Variants in CACNA2D1 observed in about 807,000 individuals in gnomAD.
CACNA2D1 encodes the protein calcium voltage-gated channel auxiliary subunit alpha2delta 1, also known as voltage-dependent calcium channel subunit alpha-2/delta-1.
Under a neutral mutation model 171.5 loss-of-function variants are expected in CACNA2D1, and 53 were observed. The ratio of observed to expected loss-of-function variants is 0.31; its 90% CI spans 0.25 to 0.39. The LOEUF is 0.39. CACNA2D1 is among the 10% of genes least tolerant of loss of function. The probability of loss-of-function intolerance (pLI) is 1.00; values close to 1 mark genes in which losing one functional copy is unlikely to be tolerated. For synonymous variants in CACNA2D1, 442 were observed against 443.1 expected (o/e 1.00, Z 0.03); for missense variants, 903 against 1,299.8 (o/e 0.69, Z 4.69).
At chr7:82,203,403 G>A (rs1263419281) in intron 3 of CACNA2D1, among the ~76,000 whole-genome samples, 3 of 152,124 alleles carry the variant, frequency 2.0e-5, no homozygotes, top group Admixed American at 1.3e-4. Flanking sequence ...TTCACGGGAG[G>A]GCGACAATGA....
chr7:82,179,082 A>T (rs769091847), intron 3 of CACNA2D1, among the ~76,000 whole-genome samples: 27 of 152,108 alleles, frequency 1.8e-4, no homozygotes, highest in Non-Finnish European at 3.4e-4. Flanking sequence ...AGCATACATC[A>T]CCACCTAATT....
intron 6 of CACNA2D1, among the ~76,000 whole-genome samples, chr7:82,098,487 G>T (rs898442074): frequency 1.3e-5 from 2 of 151,996 alleles, no homozygotes; most frequent in African/African-American, 4.8e-5. Context: ...GGGATAGAAC[G>T]CCTGCATATC....
intron 10 of CACNA2D1, among the ~76,000 whole-genome samples, chr7:82,053,626 A>C (rs1805476815): frequency 1.3e-5 from 2 of 152,290 alleles, no homozygotes. Context: ...CAGGAGCTGA[A>C]ACCAGTAATA....
intron 18 of CACNA2D1, among the ~76,000 whole-genome samples, 183 bp from the exon 19 acceptor site, chr7:81,997,433 T>G (rs1798159295): frequency 1.3e-5 from 2 of 151,082 alleles, no homozygotes. Flanking sequence ...AAGCTAGAGA[T>G]TGAGCTTTAA....
At chr7:82,108,864 C>T (rs756757470) in intron 6 of CACNA2D1, among the ~76,000 whole-genome samples, 13 of 152,146 alleles carry the variant, frequency 8.5e-5, no homozygotes, top group Non-Finnish European at 1.5e-4. Context: ...CTAACTCAGG[C>T]TTGTCCTCAA....
intron 3 of CACNA2D1, among the ~76,000 whole-genome samples, chr7:82,316,877 GC>G (rs555880738): frequency 6.6e-6 from 1 of 152,042 alleles, no homozygotes; most frequent in East Asian, 1.9e-4. Context: ...TGGGGAAACT[GC>G]CCCCATGATT....
At chr7:82,086,831 TAACTC>T (rs1033183340) in intron 6 of CACNA2D1, among the ~76,000 whole-genome samples, 4 of 152,144 alleles carry the variant, frequency 2.6e-5, no homozygotes, top group South Asian at 2.1e-4. Flanking sequence ...TTTTGTTTGA[TAACTC>T]AACAGCTACT....
chr7:82,303,587 G>C (rs1367364762), intron 3 of CACNA2D1, among the ~76,000 whole-genome samples: 4 of 151,786 alleles, frequency 2.6e-5, no homozygotes, highest in Admixed American at 2.6e-4. Flanking sequence ...TATAAAAATA[G>C]ACACATAGAC....
intron 7 of CACNA2D1, among the ~76,000 whole-genome samples, chr7:82,073,221 T>G (rs941733360): frequency 6.6e-6 from 1 of 152,208 alleles, no homozygotes; most frequent in Non-Finnish European, 1.5e-5. Flanking sequence ...AGTAACTCTA[T>G]GTTCCTTAAC....
intron 5 of CACNA2D1, among the ~76,000 whole-genome samples, chr7:82,132,498 T>G (rs1223172299): frequency 6.6e-6 from 1 of 152,194 alleles, no homozygotes; most frequent in Non-Finnish European, 1.5e-5. Flanking sequence ...AAGTGATGTA[T>G]GCAAACTCTG....
chr7:82,184,734 C>T (rs1198074541), intron 3 of CACNA2D1, among the ~76,000 whole-genome samples: 2 of 152,062 alleles, frequency 1.3e-5, no homozygotes, highest in East Asian at 1.9e-4. Context: ...ATACAGTATA[C>T]ATCATGTTAT....
chr7:82,217,634 T>TCACACACACACA (rs71522607), intron 3 of CACNA2D1, among the ~76,000 whole-genome samples: 94 of 140,236 alleles, frequency 6.7e-4, no homozygotes, highest in African/African-American at 2.4e-3. Flanking sequence ...TGGCACAGTT[T>TCACACACACACA]CACACACACA....
intron 1 of CACNA2D1, among the ~76,000 whole-genome samples, chr7:82,427,019 G>C (rs1829255545): frequency 6.6e-6 from 1 of 152,134 alleles, no homozygotes; most frequent in African/African-American, 2.4e-5. Context: ...CATAGGTAAT[G>C]TATACATAGG....
At chr7:81,969,115 C>T in intron 28 of CACNA2D1, 142 bp from the exon 29 acceptor site, 1 of 621,428 alleles carries the variant, frequency 1.6e-6, no homozygotes, top group South Asian at 1.8e-5. Context: ...TGCTCTCCTT[C>T]CTCTCTTCTT....
chr7:82,303,141 C>T, intron 3 of CACNA2D1, among the ~76,000 whole-genome samples: 1 of 152,044 alleles, frequency 6.6e-6, no homozygotes, highest in East Asian at 1.9e-4. Flanking sequence ...CTACAGGCGC[C>T]CGCCACCATG....
rs1318812887 is a variant in CACNA2D1, at chr7:82,138,431, GTTTTTTTTGTTTTTTTTGTT to G, written c.355-1775_355-1756del. ...AAACATTTCTTATAGCATTAGTTTT[GTTTTTTTTGTTTTTTTTGTT>G]TTTTTTTTTTTTTGAGACAGAGTGT... On this transcript the variant is annotated intron_variant, in intron 4 of 38. Transcript: ENST00000356860. Among the ~76,000 whole-genome samples the G allele has an allele frequency of 4.5e-3, 337 of 74,114 alleles. 2 individuals are homozygous for G. The highest frequency in any genetic ancestry group is 0.034 in the South Asian group (97 of 2,864). 48.6% of individuals were successfully genotyped at this position (74,114 alleles called of 152,430 possible).
intron 3 of CACNA2D1, among the ~76,000 whole-genome samples, chr7:82,313,877 A>C (rs564098278): frequency 8.5e-5 from 13 of 152,320 alleles, no homozygotes; most frequent in African/African-American, 3.1e-4. Flanking sequence ...TACATTGAAC[A>C]TGTATATTTT....
At chr7:82,007,618 T>C (rs1799264414) in intron 16 of CACNA2D1, 61 bp downstream of exon 16, 1 of 886,280 alleles carries the variant, frequency 1.1e-6, no homozygotes, top group Admixed American at 1.9e-5. Context: ...CTTATCCATG[T>C]TGAGCTTCAA....
At chr7:82,130,802 T>C (rs868219624) in intron 5 of CACNA2D1, among the ~76,000 whole-genome samples, 1,750 of 141,036 alleles carry the variant, frequency 0.012, 44 homozygotes, top group South Asian at 0.025. Flanking sequence ...TTTTTTTTTT[T>C]TTTTTTTTTT....
Sources: allele counts gnomAD v4.1 joint callset (sites outside exome capture counted in the v4.1 genomes callset), GRCh38; gene constraint gnomAD v4.1.1; transcripts MANE v1.5; gene names NCBI Gene and HGNC (gene_info 2026-07-23, HGNC 2026-07-21).